TRPM3: variants seen among roughly 807,000 people sequenced by gnomAD.
TRPM3 encodes long transient receptor potential channel 3.
In TRPM3, 77 loss-of-function variants were observed where a neutral mutation model predicts 181.2. The ratio of observed to expected loss-of-function variants is 0.42; its 90% CI spans 0.35 to 0.51. TRPM3 has a LOEUF of 0.51. TRPM3 is among the 20% of genes least tolerant of loss of function. TRPM3 has a pLI of 0.01. For synonymous variants in TRPM3, 745 were observed against 796.4 expected (o/e 0.94, Z 1.09); for missense variants, 1,759 against 2,196.7 (o/e 0.80, Z 3.98).
intron 1 of TRPM3, among the ~76,000 whole-genome samples, chr9:71,144,196 AT>A (rs777133441): frequency 3.9e-5 from 6 of 152,180 alleles, no homozygotes; most frequent in Non-Finnish European, 8.8e-5. Context: ...CATAAGGTAC[AT>A]GATTTTGAAA....
intron 9 of TRPM3, among the ~76,000 whole-genome samples, chr9:70,662,415 A>C (rs2133943791): frequency 6.6e-6 from 1 of 152,010 alleles, no homozygotes; most frequent in African/African-American, 2.4e-5. Flanking sequence ...AACAAAAATA[A>C]ATTGCTTCTT....
At chr9:71,140,772 AC>A (rs1384092288) in intron 1 of TRPM3, among the ~76,000 whole-genome samples, 2 of 152,188 alleles carry the variant, frequency 1.3e-5, no homozygotes, top group Admixed American at 1.3e-4. Flanking sequence ...TCATACATGT[AC>A]TTATTCAGGC....
At chr9:70,589,066 A>G (rs1258030312) in intron 22 of TRPM3, among the ~76,000 whole-genome samples, 2 of 152,240 alleles carry the variant, frequency 1.3e-5, no homozygotes, top group Admixed American at 1.3e-4. Flanking sequence ...AGGCTGGGTC[A>G]GTTATACATT....
chr9:70,656,633 C>A (rs1384194363), intron 9 of TRPM3, among the ~76,000 whole-genome samples: 1 of 152,094 alleles, frequency 6.6e-6, no homozygotes, highest in Admixed American at 6.6e-5. Flanking sequence ...CATAAATAAT[C>A]TAGGTAAACA....
intron 1 of TRPM3, among the ~76,000 whole-genome samples, chr9:70,949,320 T>A (rs1243562774): frequency 6.6e-6 from 1 of 151,994 alleles, no homozygotes; most frequent in Non-Finnish European, 1.5e-5. Context: ...GCCTCCCAAA[T>A]TGCTGAAATT....
chr9:71,056,236 T>C (rs1038547480), intron 1 of TRPM3, among the ~76,000 whole-genome samples: 1 of 152,054 alleles, frequency 6.6e-6, no homozygotes, highest in Non-Finnish European at 1.5e-5. Context: ...AAAGCACTCA[T>C]TGTCTGTGAA....
chr9:71,087,152 C>T (rs1318643052), intron 1 of TRPM3, among the ~76,000 whole-genome samples: 1 of 151,976 alleles, frequency 6.6e-6, no homozygotes, highest in Non-Finnish European at 1.5e-5. Flanking sequence ...TCAGCAAGAA[C>T]TTTTTAACCC....
At chr9:71,024,123 T>C (rs1267808531) in intron 1 of TRPM3, among the ~76,000 whole-genome samples, 1 of 152,196 alleles carries the variant, frequency 6.6e-6, no homozygotes, top group Non-Finnish European at 1.5e-5. Context: ...ACACGAGATC[T>C]TTTCATATTA....
At chr9:71,271,997 G>C (rs957473085) in intron 1 of TRPM3, among the ~76,000 whole-genome samples, 6 of 152,184 alleles carry the variant, frequency 3.9e-5, no homozygotes, top group Admixed American at 6.5e-5. Context: ...TGTTGTGCCA[G>C]CTGGATAGTC....
In TRPM3 at chr9:70,532,430, A is replaced by G. The variant is rs1037148857; in HGVS notation, c.*3523T>C. The G allele has an allele frequency of 6.6e-6, 1 of 152,210 alleles. No homozygotes were observed. Among genetic ancestry groups the G allele is most frequent in the Non-Finnish European group, 1.5e-5 (1 of 68,036 alleles). 9.4% of individuals were successfully genotyped at this position (152,210 alleles called of 1,614,324 possible). ...TAATATCCTAGACCTGGAAACTTAT[A>G]CATTTAAAAAATCCAGTTCTGTAAA... On this transcript the variant is annotated 3_prime_UTR_variant, in exon 26 of 26. Transcript: ENST00000677713.
chr9:70,588,233 A>T (rs554942319), intron 22 of TRPM3, among the ~76,000 whole-genome samples: 1 of 152,228 alleles, frequency 6.6e-6, no homozygotes, highest in South Asian at 2.1e-4. Flanking sequence ...TCGATCTTTG[A>T]TCTCTGTGTT....
chr9:70,603,473 G>A lies in TRPM3; in HGVS notation c.2668-3C>T. ...ATCAGGTATCCGATATACGCCAGCT[G>A]TAAGGAGACACAATACAGTGCTCTG... On this transcript the variant is annotated splice_region_variant and splice_polypyrimidine_tract_variant and intron_variant, in intron 19 of 25. Transcript: ENST00000677713. The A allele has an allele frequency of 2.5e-6, 4 of 1,613,940 alleles. No homozygotes were observed. Among genetic ancestry groups the A allele is most frequent in the Middle Eastern group, 1.6e-4 (1 of 6,062 alleles).
intron 9 of TRPM3, among the ~76,000 whole-genome samples, chr9:70,651,332 C>CT (rs913315724): frequency 1.3e-5 from 2 of 152,040 alleles, no homozygotes; most frequent in Non-Finnish European, 2.9e-5. Context: ...ATGCTAATCC[C>CT]TTTTTTATTA....
intron 1 of TRPM3, among the ~76,000 whole-genome samples, chr9:71,149,272 G>A (rs2075600717): frequency 6.6e-6 from 1 of 152,166 alleles, no homozygotes; most frequent in African/African-American, 2.4e-5. Flanking sequence ...ATATGGTGGT[G>A]TGCACCTGTG....
At chr9:71,161,125 A>C (rs913658592) in intron 1 of TRPM3, among the ~76,000 whole-genome samples, 1 of 152,166 alleles carries the variant, frequency 6.6e-6, no homozygotes, top group Non-Finnish European at 1.5e-5. Flanking sequence ...CTGATGTATT[A>C]GTCTTGGTTT....
intron 25 of TRPM3, among the ~76,000 whole-genome samples, chr9:70,537,969 A>G (rs1302183830): frequency 6.6e-6 from 1 of 152,244 alleles, no homozygotes; most frequent in Non-Finnish European, 1.5e-5. Context: ...TTGCATTTAT[A>G]CAATAATTTT....
Position 70,868,993 on chromosome 9 carries a change from C to G in TRPM3, c.178-4482G>C, listed in dbSNP as rs116182277. On this transcript the variant is annotated intron_variant, in intron 1 of 25. Coordinates refer to ENST00000677713, the MANE Select transcript of TRPM3 (RefSeq NM_001366145.2). ...TAGCTGAAATCATTTTACCTGAGCA[C>G]TGATTCTGGGTACTGGCAAAAGCAG... 997 of 985,200 alleles carry G rather than the reference C, an allele frequency of 1.0e-3. 7 individuals are homozygous for G. The African/African-American group carries it at 0.016, about 16-fold the overall frequency. 61.0% of individuals were successfully genotyped at this position (985,200 alleles called of 1,614,324 possible).
intron 1 of TRPM3, among the ~76,000 whole-genome samples, chr9:71,424,377 C>T (rs11142821): frequency 1.3e-5 from 2 of 151,972 alleles, no homozygotes; most frequent in Non-Finnish European, 2.9e-5. Context: ...TCAAGAAACT[C>T]CTTGACCACA....
At chr9:70,579,830 A>G (rs1184826967) in intron 22 of TRPM3, among the ~76,000 whole-genome samples, 1 of 152,182 alleles carries the variant, frequency 6.6e-6, no homozygotes, top group Non-Finnish European at 1.5e-5. Flanking sequence ...TTTTGCCACC[A>G]TGTGTCTTTG....
Sources: gnomAD v4.1 joint callset for allele counts (sites outside exome capture counted in the v4.1 genomes callset) on GRCh38, gnomAD v4.1.1 for gene constraint, MANE v1.5 for transcripts, NCBI Gene and HGNC (gene_info 2026-07-23, HGNC 2026-07-21) for gene names.